DAPK1: variants seen among roughly 807,000 people sequenced by gnomAD.
DAPK1 encodes the protein death associated protein kinase 1.
DAPK1 carries 56 observed loss-of-function variants against 144.9 expected under a neutral mutation model. The observed-to-expected ratio is 0.39, with a 90% CI of 0.31 to 0.48. The LOEUF is 0.48. DAPK1 is among the 20% of genes least tolerant of loss of function. The pLI, the probability that DAPK1 is intolerant of heterozygous loss-of-function variation, is 0.95. For synonymous variants in DAPK1, 690 were observed against 749.0 expected (o/e 0.92, Z 1.29); for missense variants, 1,454 against 1,875.4 (o/e 0.78, Z 4.15).
At chr9:87,658,263 C>G (rs775269672) in intron 18 of DAPK1, 136 bp downstream of exon 18, 25 of 601,788 alleles carry the variant, frequency 4.2e-5, no homozygotes, top group Non-Finnish European at 7.1e-5. Context: ...AGCTCCTCCA[C>G]TGCGGTAACA....
At chr9:87,685,850 A>T (rs1445998833) in intron 20 of DAPK1, among the ~76,000 whole-genome samples, 2 of 152,244 alleles carry the variant, frequency 1.3e-5, no homozygotes, top group Non-Finnish European at 2.9e-5. Context: ...GTAAAAATAA[A>T]TGCAGTGAAC....
At chr9:87,512,870 A>G (rs1296972259) in intron 2 of DAPK1, among the ~76,000 whole-genome samples, 1 of 151,856 alleles carries the variant, frequency 6.6e-6, no homozygotes, top group Non-Finnish European at 1.5e-5. Context: ...CGAACTCCTG[A>G]CCTCAGAGGC....
chr9:87,551,264 C>T (rs1365593500), intron 2 of DAPK1, among the ~76,000 whole-genome samples: 2 of 152,110 alleles, frequency 1.3e-5, no homozygotes, highest in Non-Finnish European at 2.9e-5. Flanking sequence ...TCTCCTGCCT[C>T]AGCCTCCTGA....
chr9:87,701,812 C>T lies in DAPK1; in HGVS notation c.2872-1217C>T, dbSNP rs548793741. On this transcript the variant is annotated intron_variant, in intron 24 of 25. Coordinates refer to ENST00000408954, the MANE Select transcript of DAPK1 (RefSeq NM_004938.4). ...GTTCTAGATGTGCTTCCAGAATTCT[C>T]GGGAAACCCTTTCCTGTCTCCAGAA... 174 of 464,170 alleles carry T rather than the reference C, an allele frequency of 3.7e-4. 1 individual carries two copies. The highest frequency in any genetic ancestry group is 2.8e-3 in the African/African-American group (141 of 49,840). The allele number at this position is 464,170 out of a possible 1,614,324, so 28.8% of individuals were successfully genotyped here.
chr9:87,705,644 T>C (rs761368218), intron 25 of DAPK1, among the ~76,000 whole-genome samples: 11 of 152,230 alleles, frequency 7.2e-5, no homozygotes, highest in Non-Finnish European at 1.5e-4. Flanking sequence ...TAATTTAGCC[T>C]ATATCTCCTA....
In DAPK1 at chr9:87,654,465, A is replaced by G. The variant is rs36214387; in HGVS notation, c.1824+2741A>G. On this transcript the variant is annotated intron_variant, in intron 17 of 25. Transcript: ENST00000408954. ...TGTACACTTATTCCTTTTGCATGTTATGTGATTAACTCAAGCAGAAATTGA... is the reference window on the plus strand; with the variant it reads ...TGTACACTTATTCCTTTTGCATGTTGTGTGATTAACTCAAGCAGAAATTGA... 6.8e-3 allele frequency among the ~76,000 whole-genome samples: 1,041 copies of G among 152,290 alleles called. 26 individuals carry two copies. Among genetic ancestry groups the G allele is most frequent in the East Asian group, 0.066 (341 of 5,180 alleles).
At chr9:87,629,178 A>G (rs938324521) in intron 3 of DAPK1, among the ~76,000 whole-genome samples, 2 of 152,208 alleles carry the variant, frequency 1.3e-5, no homozygotes, top group African/African-American at 4.8e-5. Flanking sequence ...CCTAATCCAT[A>G]TGACTGGTGT....
intron 2 of DAPK1, among the ~76,000 whole-genome samples, chr9:87,565,097 T>G (rs1437272036): frequency 6.6e-6 from 1 of 152,098 alleles, no homozygotes; most frequent in African/African-American, 2.4e-5. Context: ...CCAGAAAGAC[T>G]TTTCACACAG....
intron 2 of DAPK1, among the ~76,000 whole-genome samples, chr9:87,546,933 G>A (rs1293988095): frequency 6.6e-6 from 1 of 152,164 alleles, no homozygotes; most frequent in Admixed American, 6.5e-5. Flanking sequence ...GAGGTGGGTG[G>A]ATCTCTTGAG....
intron 2 of DAPK1, among the ~76,000 whole-genome samples, chr9:87,549,643 C>T (rs554048966): frequency 1.3e-5 from 2 of 152,322 alleles, no homozygotes; most frequent in South Asian, 4.1e-4. Context: ...AAAGAGTACA[C>T]ATCTCAGCAC....
intron 2 of DAPK1, among the ~76,000 whole-genome samples, chr9:87,501,783 G>A (rs116527732): frequency 0.013 from 2,036 of 152,196 alleles, 48 homozygotes; most frequent in African/African-American, 0.046. Flanking sequence ...CTCTGTCAAC[G>A]GTCAGGAACT....
At chr9:87,561,949 G>GC (rs1826942847) in intron 2 of DAPK1, among the ~76,000 whole-genome samples, 1 of 152,116 alleles carries the variant, frequency 6.6e-6, no homozygotes, top group Admixed American at 6.5e-5. Context: ...AGCTTTACTG[G>GC]CCCCCTGAAT....
chr9:87,592,622 G>C (rs36206050), intron 2 of DAPK1, among the ~76,000 whole-genome samples: 6,775 of 152,174 alleles, frequency 0.045, 517 homozygotes, highest in African/African-American at 0.15. Context: ...TCTCTTTACT[G>C]TCCTGGCCGT....
At chr9:87,517,119 T>G (rs1389172522) in intron 2 of DAPK1, among the ~76,000 whole-genome samples, 8 of 92,684 alleles carry the variant, frequency 8.6e-5, no homozygotes, top group South Asian at 1.4e-3. Context: ...GGTGGTGCAG[T>G]GTGTAGGAGA....
At chr9:87,692,790 C>G (rs530114592) in intron 21 of DAPK1, among the ~76,000 whole-genome samples, 1 of 151,910 alleles carries the variant, frequency 6.6e-6, no homozygotes, top group Non-Finnish European at 1.5e-5. Flanking sequence ...CTTTATTTCT[C>G]CTTCACTTAT....
chr9:87,578,728 G>T (rs1403655808), intron 2 of DAPK1, among the ~76,000 whole-genome samples: 1 of 152,186 alleles, frequency 6.6e-6, no homozygotes, highest in Non-Finnish European at 1.5e-5. Flanking sequence ...TCGTGCCCTT[G>T]ACCTCTAGCA....
intron 3 of DAPK1, among the ~76,000 whole-genome samples, chr9:87,606,118 G>A (rs993802468): frequency 6.6e-6 from 1 of 152,148 alleles, no homozygotes; most frequent in Middle Eastern, 3.2e-3. Flanking sequence ...CCTTCTTTGC[G>A]ATCCAACGGC....
intron 2 of DAPK1, among the ~76,000 whole-genome samples, chr9:87,512,998 G>T (rs973142391): frequency 4.6e-5 from 7 of 152,174 alleles, no homozygotes; most frequent in African/African-American, 1.7e-4. Flanking sequence ...GGCTTGTTGG[G>T]TGGGTATCTT....
In DAPK1 at chr9:87,525,276, T is replaced by C. The variant is rs968016182; in HGVS notation, c.62+26137T>C. 6.4e-6 allele frequency: 10 copies of C among 1,569,820 alleles called. No homozygotes were observed. The African/African-American group carries it at 9.5e-5, about 15-fold the overall frequency. The stretch of plus-strand genomic sequence containing the variant: ...TGCGTTGAATAGAGCTTCTTGCTTT[T>C]ACCTCGTTGCACTCCTGAGAGCAAG... On this transcript the variant is annotated intron_variant, in intron 2 of 25. Coordinates refer to ENST00000408954, the MANE Select transcript of DAPK1 (RefSeq NM_004938.4).
Sources: allele counts gnomAD v4.1 joint callset (sites outside exome capture counted in the v4.1 genomes callset), GRCh38; gene constraint gnomAD v4.1.1; transcripts MANE v1.5; gene names NCBI Gene and HGNC (gene_info 2026-07-23, HGNC 2026-07-21).